NLE1: variants seen among roughly 807,000 people sequenced by gnomAD.
The protein encoded by NLE1 is notchless protein homolog 1.
Under a neutral mutation model 62.8 loss-of-function variants are expected in NLE1, and 37 were observed. The observed-to-expected ratio is 0.59, with a 90% CI of 0.45 to 0.78. NLE1 has a LOEUF of 0.78. NLE1 is among the 30% of genes least tolerant of loss of function. The pLI, the probability that NLE1 is intolerant of heterozygous loss-of-function variation, is 0.00. For missense variants in NLE1, 555 were observed against 637.9 expected (o/e 0.87, Z 1.40); for synonymous variants, 243 against 253.0 (o/e 0.96, Z 0.37).
intron 10 of NLE1, among the ~76,000 whole-genome samples, chr17:35,134,344 C>T (rs952444912): frequency 6.6e-6 from 1 of 152,164 alleles, no homozygotes. Context: ...TCCAGGGCTA[C>T]AGCCCTACCT....
At position 35,137,866 on chromosome 17, in the gene NLE1, A is replaced by G. The variant is rs1392472132; in HGVS notation, c.485T>C (p.Ile162Thr). 2.5e-6 allele frequency: 4 copies of G among 1,613,516 alleles called. No homozygotes were observed. Among genetic ancestry groups the G allele is most frequent in the African/African-American group, 1.3e-5 (1 of 75,034 alleles). ...CKGHRHWVLS[I>T]SWSPDGRKLA... ...CTTCCTGCCATCTGGAGACCAGGAT[A>G]TACTAAGGACCCAGTGTCTGTGTCC... Residue 162 changes from isoleucine to threonine, a missense_variant, in exon 5 of 13, where the codon ATA (isoleucine) becomes ACA (threonine). Physicochemically the swap from Ile to Thr is moderately conservative, Grantham distance 89. Coordinates refer to ENST00000442241, the MANE Select transcript of NLE1 (RefSeq NM_018096.5).
In NLE1 at chr17:35,129,644, T is replaced by C. The variant is rs763398949; in HGVS notation, c.*2793A>G. The C allele has an allele frequency of 4.8e-5, 77 of 1,613,754 alleles. No homozygotes were observed. The highest frequency in any genetic ancestry group is 6.4e-5 in the Non-Finnish European group (76 of 1,179,932). ...CAACACAGCTGGGGTGGGGAAGTGG[T>C]GCAAGCCCTACAAAGTGAGCCCTGG... On this transcript the variant is annotated 3_prime_UTR_variant, in exon 13 of 13. Transcript: ENST00000442241.
In NLE1 at chr17:35,135,305, G is replaced by T; in HGVS notation, c.1158C>A (p.Ile386=). Residue 386 remains isoleucine (I), a synonymous_variant, in exon 10 of 13, where the codon ATC becomes ATA. Coordinates refer to ENST00000442241, the MANE Select transcript of NLE1 (RefSeq NM_018096.5). ...ACTTGTCAAAGGAGGCACTAGCCAC[G>T]ATGCGGGAGTCAGGAGAGAAGAGCA... ...NQVLFSPDSR[I]VASASFDKSI... The T allele has an allele frequency of 6.2e-7, 1 of 1,614,154 alleles. No homozygotes were observed.
chr17:35,137,690 C>T, intron 5 of NLE1, 50 bp from the exon 6 acceptor site: 1 of 1,541,834 alleles, frequency 6.5e-7, no homozygotes, highest in Non-Finnish European at 8.9e-7. Flanking sequence ...GTCTCTGGCT[C>T]CACCAAAATC....
At position 35,129,709 on chromosome 17, in the gene NLE1, A is replaced by C. The variant is rs2091865119; in HGVS notation, c.*2728T>G. On this transcript the variant is annotated 3_prime_UTR_variant, in exon 13 of 13. Coordinates refer to ENST00000442241, the MANE Select transcript of NLE1 (RefSeq NM_018096.5). ...TGGGGGTGGAGAGAAGTCCAAAGCC[A>C]GGGAACCAGGGCTTTGGAGGTTGGG... is the stretch of plus-strand genomic sequence containing the variant. The C allele has an allele frequency of 1.9e-6, 3 of 1,585,984 alleles. No homozygotes were observed. The East Asian group carries it at 6.8e-5, about 36-fold the overall frequency.
In NLE1 at chr17:35,130,525, C is replaced by T. The variant is rs926054769; in HGVS notation, c.*1912G>A. The T allele has an allele frequency of 1.5e-6, 2 of 1,371,412 alleles. No individual in the cohort carries two copies. Among genetic ancestry groups the T allele is most frequent in the African/African-American group, 2.9e-5 (2 of 69,566 alleles). The allele number at this position is 1,371,412 out of a possible 1,614,324, so 85.0% of individuals were successfully genotyped here. A position where few individuals can be genotyped will look rare whatever the true frequency, so the allele number is the denominator to read the frequency against. On this transcript the variant is annotated 3_prime_UTR_variant, in exon 13 of 13. Coordinates refer to ENST00000442241, the MANE Select transcript of NLE1 (RefSeq NM_018096.5). The stretch of plus-strand genomic sequence containing the variant: ...GCCATGAGACCTACCATACCACCAG[C>T]ACCCTGCGGGCCCGGGGTCTGGCAG...
At position 35,137,158 on chromosome 17, in the gene NLE1, T is replaced by A; in HGVS notation, c.671A>T (p.Lys224Met). Residue 224 changes from lysine (K) to methionine (M), a missense_variant, in exon 7 of 13, where the codon AAG (lysine) becomes ATG (methionine). Lys to Met is a moderately conservative substitution (Grantham distance 95). Transcript: ENST00000442241. Reference protein sequence around the residue: ...PECRYVASSSKDGSVRIWDTT... With the variant: ...PECRYVASSSMDGSVRIWDTT... ...GTCCCAGATCCGCACACTGCCATCC[T>A]TGGAGCTGCTGGCCACATAGCGGCA... 6.2e-7 allele frequency: 1 copy of A among 1,611,782 alleles called. No individual in the cohort carries two copies. Among genetic ancestry groups the A allele is most frequent in the Non-Finnish European group, 8.5e-7 (1 of 1,178,170 alleles).
At chr17:35,141,706 G>C (rs1456095324) in intron 2 of NLE1, among the ~76,000 whole-genome samples, 2 of 152,204 alleles carry the variant, frequency 1.3e-5, no homozygotes, top group Non-Finnish European at 2.9e-5. Context: ...GGATATTAAC[G>C]TGTCCCAGAC....
intron 4 of NLE1, 41 bp from the exon 5 acceptor site, chr17:35,137,931 T>C: frequency 6.6e-7 from 1 of 1,508,062 alleles, no homozygotes; most frequent in Non-Finnish European, 9.2e-7. Context: ...ACTACATCTG[T>C]CTTTATCCCA....
In NLE1 at chr17:35,133,160, C is replaced by T. The variant is rs1201393609; in HGVS notation, c.1445+11G>A. ...GCTGTGTATGCCAACCACCACTTCCCCCACACTCACATCCGGAGGCATTTG... is the reference window on the plus strand; with the variant it reads ...GCTGTGTATGCCAACCACCACTTCCTCCACACTCACATCCGGAGGCATTTG... On this transcript the variant is annotated intron_variant, in intron 12 of 12. Coordinates refer to ENST00000442241, the MANE Select transcript of NLE1 (RefSeq NM_018096.5). 1 of 1,613,692 alleles carries T rather than the reference C, an allele frequency of 6.2e-7. No individual in the cohort carries two copies. Among genetic ancestry groups the T allele is most frequent in the Non-Finnish European group, 8.5e-7 (1 of 1,179,656 alleles).
chr17:35,133,470 C>A lies in NLE1; in HGVS notation c.1243G>T (p.Ala415Ser). Residue 415 changes from alanine to serine, a missense_variant, in exon 11 of 13, where the codon GCT (alanine) becomes TCT (serine). Physicochemically the swap from Ala to Ser is moderately conservative, Grantham distance 99. Coordinates refer to ENST00000442241, the MANE Select transcript of NLE1 (RefSeq NM_018096.5). Reference sequence around the variant, plus strand: ...GACCACGCAATCTGGTACACGGCAGCCACGTGGCCGCGTAGGGAAGCCAGG... The same window carrying A: ...GACCACGCAATCTGGTACACGGCAGACACGTGGCCGCGTAGGGAAGCCAGG... Reference protein sequence around the residue: ...KYLASLRGHVAAVYQIAWSAD... With the variant: ...KYLASLRGHVSAVYQIAWSAD... 6.2e-7 allele frequency: 1 copy of A among 1,613,530 alleles called. No homozygotes were observed.
In NLE1 at chr17:35,137,582, C is replaced by G; in HGVS notation, c.596G>C (p.Ser199Thr). The G allele has an allele frequency of 6.2e-7, 1 of 1,610,602 alleles. No homozygotes were observed. ...KQVGRTLAGHSKWITGLSWEP... is the reference protein window; with the variant it reads ...KQVGRTLAGHTKWITGLSWEP... Reference sequence around the variant, plus strand: ...CCAGCTCAGGCCTGTGATCCACTTGCTGTGGCCAGCGAGGGTCCTGCCCAC... The same window carrying G: ...CCAGCTCAGGCCTGTGATCCACTTGGTGTGGCCAGCGAGGGTCCTGCCCAC... Residue 199 changes from serine (S) to threonine (T), a missense_variant, in exon 6 of 13, where the codon AGC becomes ACC. Transcript: ENST00000442241.
In NLE1 at chr17:35,130,067, T is replaced by G. The variant is rs2091867198; in HGVS notation, c.*2370A>C. On this transcript the variant is annotated 3_prime_UTR_variant, in exon 13 of 13. Coordinates refer to ENST00000442241, the MANE Select transcript of NLE1 (RefSeq NM_018096.5). ...GGGTATGGGGGTATAGAGGCCTGAG[T>G]ACAGACAGCCCTTTGGTTGGAAATA... The G allele has an allele frequency of 2.8e-6, 4 of 1,414,304 alleles. No homozygotes were observed. The highest frequency in any genetic ancestry group is 3.7e-6 in the Non-Finnish European group (4 of 1,088,986). The allele number at this position is 1,414,304 out of a possible 1,614,324, so 87.6% of individuals were successfully genotyped here. A position where few individuals can be genotyped will look rare whatever the true frequency, so the allele number is the denominator to read the frequency against.
Position 35,140,011 on chromosome 17 carries a change from A to G in NLE1, c.218T>C (p.Leu73Pro). The G allele has an allele frequency of 6.2e-7, 1 of 1,614,056 alleles. No homozygotes were observed. The highest frequency in any genetic ancestry group is 8.5e-7 in the Non-Finnish European group (1 of 1,179,980). Residue 73 changes from leucine to proline, a missense_variant, in exon 3 of 13, where the codon CTG becomes CCG. Leu to Pro is a moderately conservative substitution (Grantham distance 98, BLOSUM62 -3). Transcript: ENST00000442241. ...TGCCTGGGACTCCAACGTCTTCCCCAGTGAGGAGACGATCTCAGCATCGTG... is the reference window on the plus strand; with the variant it reads ...TGCCTGGGACTCCAACGTCTTCCCCGGTGAGGAGACGATCTCAGCATCGTG... ...FVHDAEIVSS[L>P]GKTLESQAVE...
Position 35,139,903 on chromosome 17 carries a change from G to C in NLE1, c.326C>G (p.Ser109Cys). Residue 109 changes from serine to cysteine, a missense_variant, in exon 3 of 13, where the codon TCC becomes TGC. By Grantham distance (112) the Ser-to-Cys change is moderately radical (BLOSUM62 -1). Transcript: ENST00000442241. Reference sequence around the variant, plus strand: ...GACTGCCTCACTGTGACCCTCCAAGGAGCTGGTGCAGCGAGTCACAGCCCG... The same window carrying C: ...GACTGCCTCACTGTGACCCTCCAAGCAGCTGGTGCAGCGAGTCACAGCCCG... ...RVRAVTRCTS[S>C]LEGHSEAVIS... is the part of the protein sequence containing the mutation. 1 of 1,614,052 alleles carries C rather than the reference G, an allele frequency of 6.2e-7. No individual in the cohort carries two copies. Among genetic ancestry groups the C allele is most frequent in the Non-Finnish European group, 8.5e-7 (1 of 1,180,038 alleles).
At chr17:35,136,569 G>A in intron 7 of NLE1, 72 bp from the exon 8 acceptor site, 1 of 1,545,616 alleles carries the variant, frequency 6.5e-7, no homozygotes, top group East Asian at 2.3e-5. Flanking sequence ...CAGGAGACAG[G>A]TGGTACAAGA....
chr17:35,136,924 G>T, intron 7 of NLE1, 77 bp downstream of exon 7: 2 of 1,345,270 alleles, frequency 1.5e-6, no homozygotes, highest in East Asian at 2.3e-5. Context: ...ACTCGCTGAT[G>T]TCAAGGTCAT....
intron 2 of NLE1, among the ~76,000 whole-genome samples, chr17:35,140,583 T>C (rs1385327265): frequency 1.9e-5 from 2 of 108,000 alleles, no homozygotes; most frequent in East Asian, 6.3e-4. Flanking sequence ...ACACAGCACT[T>C]GGAAATTCTT....
Position 35,130,521 on chromosome 17 carries a change from C to T in NLE1, c.*1916G>A, listed in dbSNP as rs577491756. On this transcript the variant is annotated 3_prime_UTR_variant, in exon 13 of 13. Coordinates refer to ENST00000442241, the MANE Select transcript of NLE1 (RefSeq NM_018096.5). Reference sequence around the variant, plus strand: ...CAGAGCCATGAGACCTACCATACCACCAGCACCCTGCGGGCCCGGGGTCTG... The same window carrying T: ...CAGAGCCATGAGACCTACCATACCATCAGCACCCTGCGGGCCCGGGGTCTG... 175 of 1,404,896 alleles carry T rather than the reference C, an allele frequency of 1.2e-4. 1 individual carries two copies. The South Asian group carries it at 1.8e-3, about 15-fold the overall frequency. 87.0% of individuals were successfully genotyped at this position (1,404,896 alleles called of 1,614,324 possible). A position where few individuals can be genotyped will look rare whatever the true frequency, so the allele number is the denominator to read the frequency against.
Sources: allele counts gnomAD v4.1 joint callset (sites outside exome capture counted in the v4.1 genomes callset), GRCh38; gene constraint gnomAD v4.1.1; transcripts MANE v1.5; gene names NCBI Gene and HGNC (gene_info 2026-07-23, HGNC 2026-07-21).